The following DYNC2H1 variants were observed in gnomAD, a reference collection of about 807,000 sequenced individuals.
DYNC2H1 encodes the protein dynein cytoplasmic 2 heavy chain 1.
Under a neutral mutation model 570.0 loss-of-function variants are expected in DYNC2H1, and 410 were observed. That is an observed-to-expected ratio of 0.72 (90% CI 0.66 to 0.78). The LOEUF is 0.78. Among genes scored for constraint, DYNC2H1 ranks in the 30% least tolerant of loss-of-function variants. The pLI is 0.00. For synonymous variants in DYNC2H1, 1,688 were observed against 1,677.6 expected (o/e 1.01, Z -0.15); for missense variants, 4,865 against 5,046.4 (o/e 0.96, Z 1.09).
At chr11:103,271,438 G>A (rs544457584) in intron 70 of DYNC2H1, among the ~76,000 whole-genome samples, 2 of 152,266 alleles carry the variant, frequency 1.3e-5, no homozygotes, top group African/African-American at 2.4e-5. Context: ...TGAGCTTAAA[G>A]CATGACTTCT....
At chr11:103,113,800 G>A (rs889437709) in intron 2 of DYNC2H1, 93 bp downstream of exon 2, 38 of 1,001,968 alleles carry the variant, frequency 3.8e-5, no homozygotes, top group Non-Finnish European at 6.9e-6. Context: ...GTTAATGTTA[G>A]TAGTGTTTTA....
intron 73 of DYNC2H1, among the ~76,000 whole-genome samples, chr11:103,285,067 A>G (rs1275813957): frequency 6.6e-6 from 1 of 152,250 alleles, no homozygotes; most frequent in Non-Finnish European, 1.5e-5. Flanking sequence ...AAATAGAGAC[A>G]TAAACAAATA....
intron 83 of DYNC2H1, among the ~76,000 whole-genome samples, chr11:103,387,338 T>A (rs1483978322): frequency 1.3e-4 from 20 of 152,214 alleles, no homozygotes; most frequent in Admixed American, 1.3e-3. Context: ...ACCTACTTGT[T>A]GATGGGGTTC....
chr11:103,193,945 T>C (rs1862417123), intron 47 of DYNC2H1, among the ~76,000 whole-genome samples: 1 of 152,188 alleles, frequency 6.6e-6, no homozygotes, highest in South Asian at 2.1e-4. Context: ...AAATTTAATC[T>C]TGGAGACATA....
intron 84 of DYNC2H1, among the ~76,000 whole-genome samples, chr11:103,423,120 G>C (rs1681491004): frequency 6.6e-6 from 1 of 151,940 alleles, no homozygotes; most frequent in Non-Finnish European, 1.5e-5. Flanking sequence ...TGAAGATATT[G>C]TCATCAAAAT....
intron 83 of DYNC2H1, among the ~76,000 whole-genome samples, chr11:103,359,928 G>A (rs1194706229): frequency 6.6e-6 from 1 of 151,928 alleles, no homozygotes; most frequent in African/African-American, 2.4e-5. Context: ...GCCTCCCATA[G>A]TGCTGGGATT....
chr11:103,287,099 A>G (rs910316514), intron 74 of DYNC2H1, among the ~76,000 whole-genome samples: 21 of 152,232 alleles, frequency 1.4e-4, no homozygotes, highest in African/African-American at 5.1e-4. Context: ...ATGTGATTGC[A>G]CCACTGCACT....
chr11:103,214,926 T>A (rs1863322130), intron 54 of DYNC2H1, among the ~76,000 whole-genome samples: 1 of 152,086 alleles, frequency 6.6e-6, no homozygotes, highest in African/African-American at 2.4e-5. Flanking sequence ...TAAATAGGAT[T>A]GCCTTCTTAA....
In DYNC2H1 at chr11:103,241,267, T is replaced by C. The variant is rs989665585; in HGVS notation, c.9820-2426T>C. Among the ~76,000 whole-genome samples, 8 of 152,212 alleles carry C rather than the reference T, an allele frequency of 5.3e-5. No individual in the cohort carries two copies. Among genetic ancestry groups the C allele is most frequent in the African/African-American group, 1.7e-4 (7 of 41,456 alleles). ...CTTACTATAGTTGTTATCCAACATA[T>C]AGTAGATGAAGTAACGAACAAATGA... is the stretch of plus-strand genomic sequence containing the variant. On this transcript the variant is annotated intron_variant, in intron 63 of 88. Coordinates refer to ENST00000375735, the MANE Select transcript of DYNC2H1 (RefSeq NM_001377.3). The surrounding 1 kb of genome is among the most constrained non-coding windows in gnomAD (Gnocchi z 5.1).
At chr11:103,432,908 ACT>A (rs1256027489) in intron 84 of DYNC2H1, among the ~76,000 whole-genome samples, 1 of 151,902 alleles carries the variant, frequency 6.6e-6, no homozygotes, top group Non-Finnish European at 1.5e-5. Flanking sequence ...ATTTCCTGCG[ACT>A]CTTTTTACCT....
intron 85 of DYNC2H1, among the ~76,000 whole-genome samples, chr11:103,453,615 C>CATAT (rs66628059): frequency 0.073 from 9,928 of 136,324 alleles, 630 homozygotes; most frequent in African/African-American, 0.17. Context: ...TTAGTTTAGA[C>CATAT]ATATATATAT....
At chr11:103,323,775 A>G in intron 81 of DYNC2H1, 111 bp from the exon 82 acceptor site, 1 of 858,676 alleles carries the variant, frequency 1.2e-6, no homozygotes, top group Non-Finnish European at 1.7e-6. Flanking sequence ...TATCTAGAAA[A>G]TAAAAATACA....
intron 57 of DYNC2H1, among the ~76,000 whole-genome samples, chr11:103,221,299 C>G (rs1248258056): frequency 6.6e-6 from 1 of 151,920 alleles, no homozygotes; most frequent in African/African-American, 2.4e-5. Context: ...TGGTTTGTGC[C>G]GATATTAAGT....
In DYNC2H1 at chr11:103,189,620, A is replaced by G. The variant is rs1565380786; in HGVS notation, c.7293-52A>G. 2.6e-6 allele frequency: 4 copies of G among 1,560,688 alleles called. No individual in the cohort carries two copies. Among genetic ancestry groups the G allele is most frequent in the Non-Finnish European group, 3.5e-6 (4 of 1,140,204 alleles). On this transcript the variant is annotated intron_variant, in intron 44 of 88. Coordinates refer to ENST00000375735, the MANE Select transcript of DYNC2H1 (RefSeq NM_001377.3). The surrounding 1 kb of genome is among the most constrained non-coding windows in gnomAD (Gnocchi z 4.3). Reference sequence around the variant, plus strand: ...GTTGTAACTTAACATTGAAATATTAATTTGGAATACTGATTTATTTCAGCT... The same window carrying G: ...GTTGTAACTTAACATTGAAATATTAGTTTGGAATACTGATTTATTTCAGCT...
intron 83 of DYNC2H1, among the ~76,000 whole-genome samples, chr11:103,390,380 T>C (rs7927534): frequency 0.67 from 98,524 of 147,148 alleles, 33,260 homozygotes; most frequent in Admixed American, 0.72. Flanking sequence ...TTATTTTGAG[T>C]CTATATGTGT....
intron 70 of DYNC2H1, among the ~76,000 whole-genome samples, chr11:103,266,130 G>A (rs1865495366): frequency 6.6e-6 from 1 of 152,188 alleles, no homozygotes; most frequent in Non-Finnish European, 1.5e-5. Context: ...CACTGCGATA[G>A]GTGGTGTTAC....
In DYNC2H1 at chr11:103,304,767, G is replaced by A. The variant is rs769988340; in HGVS notation, c.11382+47G>A. On this transcript the variant is annotated intron_variant, in intron 77 of 88. Coordinates refer to ENST00000375735, the MANE Select transcript of DYNC2H1 (RefSeq NM_001377.3). ...AATAATATCTATTATACTCAACTTA[G>A]CAATCTCCAAGGGACATCAGTATTA... is the stretch of plus-strand genomic sequence containing the variant. 12 of 1,566,720 alleles carry A rather than the reference G, an allele frequency of 7.7e-6. No individual in the cohort carries two copies. The South Asian group carries it at 1.3e-4, about 17-fold the overall frequency.
chr11:103,436,662 A>C (rs1229154000), intron 85 of DYNC2H1, among the ~76,000 whole-genome samples: 1 of 152,084 alleles, frequency 6.6e-6, no homozygotes, highest in African/African-American at 2.4e-5. Context: ...TGTTTTTTAA[A>C]ATAATGATCC....
chr11:103,358,406 T>C (rs2135526195), intron 83 of DYNC2H1, 47 bp downstream of exon 83: 1 of 1,293,396 alleles, frequency 7.7e-7, no homozygotes. Context: ...TTCTCCCGCA[T>C]CGTAACCATG....
Sources: allele counts gnomAD v4.1 joint callset (sites outside exome capture counted in the v4.1 genomes callset), GRCh38; gene constraint gnomAD v4.1.1; non-coding constraint Gnocchi (gnomAD v3.1); transcripts MANE v1.5; gene names NCBI Gene and HGNC (gene_info 2026-07-23, HGNC 2026-07-21).